TCF4: variants seen among roughly 807,000 people sequenced by gnomAD.
TCF4 encodes transcription factor 4.
In TCF4, 3 loss-of-function variants were observed where a neutral mutation model predicts 82.1. That is an observed-to-expected ratio of 0.04 (90% CI 0.02 to 0.09). TCF4 has a LOEUF of 0.09. Ranked by LOEUF, TCF4 falls within the 10% of genes least tolerant of loss-of-function variation. The probability of loss-of-function intolerance (pLI) is 1.00; values close to 1 mark genes in which losing one functional copy is unlikely to be tolerated. For synonymous variants in TCF4, 276 were observed against 309.6 expected (o/e 0.89, Z 1.14); for missense variants, 518 against 852.7 (o/e 0.61, Z 4.89).
intron 8 of TCF4, among the ~76,000 whole-genome samples, chr18:55,306,264 T>C (rs2070301363): frequency 1.3e-5 from 2 of 152,234 alleles, no homozygotes; most frequent in South Asian, 4.1e-4. Context: ...TGTTTTCATT[T>C]AGCATGCCTT....
At chr18:55,445,990 A>G (rs184015489) in intron 5 of TCF4, among the ~76,000 whole-genome samples, 1 of 152,302 alleles carries the variant, frequency 6.6e-6, no homozygotes, top group African/African-American at 2.4e-5. Context: ...CCTTGCAGCT[A>G]TGAGTAGATG....
In TCF4 at chr18:55,245,288, G is replaced by T. The variant is rs182694098; in HGVS notation, c.1350+9209C>A. ...ATAATAAAAGTTAAAATAACACAAC[G>T]GCCATGGAATGTGAAAAAATATAAA... On this transcript the variant is annotated intron_variant, in intron 15 of 19. Coordinates refer to ENST00000354452, the MANE Select transcript of TCF4 (RefSeq NM_001083962.2). 2.6e-4 allele frequency among the ~76,000 whole-genome samples: 39 copies of T among 152,148 alleles called. 1 individual carries two copies. In the East Asian group the frequency reaches 6.4e-3, roughly 25 times the overall value.
intron 2 of TCF4, among the ~76,000 whole-genome samples, chr18:55,630,301 A>C (rs1468893929): frequency 6.6e-6 from 1 of 152,156 alleles, no homozygotes; most frequent in South Asian, 2.1e-4. Context: ...AAATTTTACT[A>C]CATTAACTAT....
At chr18:55,586,483 A>C (rs1309632579) in intron 2 of TCF4, among the ~76,000 whole-genome samples, 2 of 152,212 alleles carry the variant, frequency 1.3e-5, no homozygotes, top group African/African-American at 2.4e-5. Flanking sequence ...ATTTACCAAA[A>C]CAGTCCAAAA....
intron 7 of TCF4, 150 bp downstream of exon 7, chr18:55,350,723 AG>A: frequency 9.2e-6 from 9 of 977,570 alleles, no homozygotes; most frequent in South Asian, 7.6e-5. Context: ...TCAGTGTACT[AG>A]GGGGGAAGTC....
intron 6 of TCF4, among the ~76,000 whole-genome samples, chr18:55,390,005 G>A (rs1343328668): frequency 6.6e-6 from 1 of 151,990 alleles, no homozygotes; most frequent in East Asian, 1.9e-4. Flanking sequence ...TAATCCCGAC[G>A]GACTGAAATC....
At chr18:55,245,678 T>C (rs1357498371) in intron 15 of TCF4, among the ~76,000 whole-genome samples, 3 of 152,224 alleles carry the variant, frequency 2.0e-5, no homozygotes, top group South Asian at 2.1e-4. Context: ...GTTTATTATA[T>C]GGCTCTGAAA....
At chr18:55,577,476 T>C (rs2097540922) in intron 3 of TCF4, among the ~76,000 whole-genome samples, 1 of 151,972 alleles carries the variant, frequency 6.6e-6, no homozygotes, top group South Asian at 2.1e-4. Flanking sequence ...CAATTTTTAC[T>C]CATCTTAAGT....
intron 3 of TCF4, among the ~76,000 whole-genome samples, chr18:55,508,850 T>C (rs955790280): frequency 1.3e-5 from 2 of 152,170 alleles, no homozygotes; most frequent in African/African-American, 4.8e-5. Context: ...CATTTCACCA[T>C]CCCTGCAAGA....
chr18:55,635,312 C>A (rs760840687), intron 1 of TCF4, among the ~76,000 whole-genome samples: 2 of 151,970 alleles, frequency 1.3e-5, no homozygotes, highest in South Asian at 4.2e-4. Flanking sequence ...AATTCGAGGC[C>A]AGCCCAACCA....
At chr18:55,433,558 C>T (rs2095257234) in intron 5 of TCF4, among the ~76,000 whole-genome samples, 1 of 152,196 alleles carries the variant, frequency 6.6e-6, no homozygotes, top group Non-Finnish European at 1.5e-5. Flanking sequence ...AAAGACCAGA[C>T]ATTGATCTGG....
chr18:55,533,923 C>A, intron 3 of TCF4, among the ~76,000 whole-genome samples: 1 of 152,174 alleles, frequency 6.6e-6, no homozygotes, highest in Non-Finnish European at 1.5e-5. Context: ...ACTGAGGACC[C>A]AGTACAGGTT....
chr18:55,275,290 A>C (rs1348324830), intron 10 of TCF4, among the ~76,000 whole-genome samples: 1 of 150,958 alleles, frequency 6.6e-6, no homozygotes, highest in Non-Finnish European at 1.5e-5. Context: ...AAAAAAAAAA[A>C]AAAAAAAACC....
intron 3 of TCF4, chr18:55,482,718 T>G (rs1444395816): frequency 6.6e-6 from 1 of 152,154 alleles, no homozygotes; most frequent in Non-Finnish European, 1.5e-5. Flanking sequence ...TGTTCTCTCT[T>G]CCAGTTACCT....
At chr18:55,423,806 TC>T (rs202020783) in intron 5 of TCF4, among the ~76,000 whole-genome samples, 7,674 of 152,154 alleles carry the variant, frequency 0.05, 265 homozygotes, top group Non-Finnish European at 0.075. Flanking sequence ...TGCGCCCCTC[TC>T]GCCTGCCTAC....
intron 3 of TCF4, among the ~76,000 whole-genome samples, chr18:55,584,714 T>C (rs968006468): frequency 2.0e-5 from 3 of 151,774 alleles, no homozygotes; most frequent in African/African-American, 4.8e-5. Context: ...AGTAAATCGT[T>C]AGGGAAAAAA....
At chr18:55,411,659 A>T (rs1200034544) in intron 5 of TCF4, among the ~76,000 whole-genome samples, 1 of 152,204 alleles carries the variant, frequency 6.6e-6, no homozygotes, top group Non-Finnish European at 1.5e-5. Context: ...TATCAGCAAG[A>T]CTTTTCCTAA....
At chr18:55,431,273 C>G (rs2095182501) in intron 5 of TCF4, among the ~76,000 whole-genome samples, 1 of 152,028 alleles carries the variant, frequency 6.6e-6, no homozygotes, top group Non-Finnish European at 1.5e-5. Flanking sequence ...TTGATTCCAC[C>G]TTCTTTCTTG....
At chr18:55,494,638 C>T (rs141183736) in intron 3 of TCF4, among the ~76,000 whole-genome samples, 1 of 151,982 alleles carries the variant, frequency 6.6e-6, no homozygotes, top group Admixed American at 6.6e-5. Context: ...GGATGCAAGT[C>T]ATCAGGAATG....
Sources: allele counts gnomAD v4.1 joint callset (sites outside exome capture counted in the v4.1 genomes callset), GRCh38; gene constraint gnomAD v4.1.1; transcripts MANE v1.5; gene names NCBI Gene and HGNC (gene_info 2026-07-23, HGNC 2026-07-21).